The following JCAD variants were observed in gnomAD, a reference collection of about 807,000 sequenced individuals.
JCAD encodes the protein junctional cadherin 5-associated protein.
JCAD carries 40 observed loss-of-function variants against 98.0 expected under a neutral mutation model. The ratio of observed to expected loss-of-function variants is 0.41; its 90% confidence interval spans 0.32 to 0.53. The LOEUF is 0.53. JCAD is among the 20% of genes least tolerant of loss of function. The pLI, the probability that JCAD is intolerant of heterozygous loss-of-function variation, is 0.31. For synonymous variants in JCAD, 691 were observed against 682.3 expected, an observed-to-expected ratio of 1.01 and a Z score of -0.20; for missense variants, 1,705 against 1,738.1, an observed-to-expected ratio of 0.98 and a Z score of 0.34.
intron 1 of JCAD, among the ~76,000 whole-genome samples, chr10:30,075,687 C>T (rs1193097532): frequency 2.0e-5 from 3 of 152,194 alleles, no homozygotes; most frequent in Non-Finnish European, 4.4e-5. Flanking sequence ...AGACGCCAAC[C>T]TGTCAGAATC....
upstream of JCAD, among the ~76,000 whole-genome samples, chr10:30,060,324 G>A (rs896554848): frequency 2.0e-5 from 3 of 152,226 alleles, no homozygotes; most frequent in African/African-American, 7.2e-5. Flanking sequence ...CAGGGCAGGG[G>A]TAGGAGGAGA....
At chr10:30,105,220 A>G (rs1838552145) in intron 1 of JCAD, among the ~76,000 whole-genome samples, 1 of 152,232 alleles carries the variant, frequency 6.6e-6, no homozygotes, top group African/African-American at 2.4e-5. Context: ...ATTTTTCAAC[A>G]TCCCTATAAT....
At chr10:30,020,952 C>T (rs937040837) in intron 3 of JCAD, among the ~76,000 whole-genome samples, 2 of 152,212 alleles carry the variant, frequency 1.3e-5, no homozygotes, top group Non-Finnish European at 2.9e-5. Flanking sequence ...ACAGGCCATG[C>T]CATGTCTGTC....
At chr10:30,100,980 A>C (rs1289609621) in intron 1 of JCAD, among the ~76,000 whole-genome samples, 2 of 152,258 alleles carry the variant, frequency 1.3e-5, no homozygotes, top group Admixed American at 1.3e-4. Flanking sequence ...ATTGGTTGAA[A>C]GAGTTATTAT....
intron 3 of JCAD, among the ~76,000 whole-genome samples, chr10:30,019,315 C>T (rs1836606971): frequency 6.7e-6 from 1 of 148,746 alleles, no homozygotes; most frequent in Non-Finnish European, 1.5e-5. Flanking sequence ...CGAGATGGCG[C>T]CATTGCACTC....
At chr10:30,021,516 G>C (rs1836659603) in intron 3 of JCAD, among the ~76,000 whole-genome samples, 1 of 152,076 alleles carries the variant, frequency 6.6e-6, no homozygotes, top group Admixed American at 6.5e-5. Flanking sequence ...TGTTCTAGTA[G>C]CTATGTTGAA....
intron 2 of JCAD, among the ~76,000 whole-genome samples, chr10:30,043,754 G>T (rs564165043): frequency 1.3e-4 from 20 of 152,322 alleles, no homozygotes; most frequent in Admixed American, 2.6e-4. Flanking sequence ...CTCACCTGGG[G>T]AGAGCTCAGC....
Position 30,047,669 on chromosome 10 carries a change from C to A in JCAD, c.144G>T (p.Glu48Asp). 6.2e-7 allele frequency: 1 copy of A among 1,614,242 alleles called. No individual in the cohort carries two copies. The highest frequency in any genetic ancestry group is 8.5e-7 in the Non-Finnish European group (1 of 1,180,054). ...RAGQGLQNGH[E>D]DGPAALAHRK... is the part of the protein sequence containing the mutation. ...GATGTGCGAGGGCCGCAGGGCCATC[C>A]TCATGCCCGTTCTGCAGGCCCTGGC... Residue 48 changes from glutamate (E) to aspartate (D), a missense_variant, in exon 2 of 4, where the codon GAG becomes GAT. Coordinates refer to ENST00000375377, the MANE Select transcript of JCAD (RefSeq NM_020848.4).
rs11268260 is a variant in JCAD, at chr10:30,092,098, T to TTAAATATATATATATATATA, written n.129-22278_129-22277insTATATATATATATATATTTA. Among the ~76,000 whole-genome samples, 172 of 44,508 alleles carry TTAAATATATATATATATATA rather than the reference T, an allele frequency of 3.9e-3. 7 individuals carry two copies. The highest frequency in any genetic ancestry group is 9.2e-3 in the East Asian group (12 of 1,300). The allele number at this position is 44,508 out of a possible 152,430, so 29.2% of individuals were successfully genotyped here. A position where few individuals can be genotyped will look rare whatever the true frequency, so the allele number is the denominator to read the frequency against. On this transcript the variant is annotated intron_variant and non_coding_transcript_variant, in intron 1 of 2. Coordinates refer to the JCAD transcript ENST00000465712. Reference sequence around the variant, plus strand: ...ATATATATATATATATAAAGTTACTTTATATATATATATATATATATATAT... The same window carrying TTAAATATATATATATATATA: ...ATATATATATATATATAAAGTTACTTTAAATATATATATATATATATATATATATATATATATATATATAT...
chr10:30,021,966 C>G (rs1270602245), intron 3 of JCAD, among the ~76,000 whole-genome samples: 1 of 152,172 alleles, frequency 6.6e-6, no homozygotes, highest in Non-Finnish European at 1.5e-5. Flanking sequence ...TCATTTTGGG[C>G]CTCACACAGA....
intron 1 of JCAD, among the ~76,000 whole-genome samples, chr10:30,049,308 C>T (rs558112857): frequency 6.6e-6 from 1 of 152,324 alleles, no homozygotes; most frequent in East Asian, 1.9e-4. Context: ...AGAGCCGCTG[C>T]AGCCATGGCG....
chr10:30,029,976 TC>T, intron 2 of JCAD, 110 bp from the exon 3 acceptor site: 1 of 1,240,060 alleles, frequency 8.1e-7, no homozygotes, highest in Non-Finnish European at 1.1e-6. Context: ...AAAACTTGGT[TC>T]CCAGCCACAG....
intron 1 of JCAD, among the ~76,000 whole-genome samples, chr10:30,048,252 A>G (rs906077505): frequency 3.9e-5 from 6 of 152,216 alleles, no homozygotes; most frequent in African/African-American, 1.4e-4. Context: ...CAGACCTGGG[A>G]GCTGCAATGA....
At chr10:30,039,155 T>C (rs1837187265) in intron 2 of JCAD, among the ~76,000 whole-genome samples, 1 of 152,210 alleles carries the variant, frequency 6.6e-6, no homozygotes, top group Admixed American at 6.5e-5. Context: ...GAGGGCCAGA[T>C]GCTGACGCCC....
At position 30,015,190 on chromosome 10, in the gene JCAD, C is replaced by T. The variant is rs1836508984; in HGVS notation, c.*2693G>A. On this transcript the variant is annotated 3_prime_UTR_variant, in exon 4 of 4. Transcript: ENST00000375377. The stretch of plus-strand genomic sequence containing the variant: ...TTTTTAGCCCAAATGGTCAAAATTA[C>T]AACTTTTAATTTTATGAGCTCCAAA... 6.6e-6 allele frequency: 1 copy of T among 152,166 alleles called. No individual in the cohort carries two copies. Among genetic ancestry groups the T allele is most frequent in the South Asian group, 2.1e-4 (1 of 4,832 alleles). 9.4% of individuals were successfully genotyped at this position (152,166 alleles called of 1,614,324 possible).
intron 3 of JCAD, among the ~76,000 whole-genome samples, chr10:30,019,610 G>A (rs1279345597): frequency 6.6e-6 from 1 of 151,940 alleles, no homozygotes; most frequent in African/African-American, 2.4e-5. Flanking sequence ...GTTGCCAGGG[G>A]CTGGGGTGAA....
At chr10:30,038,215 T>G (rs959287395) in intron 2 of JCAD, among the ~76,000 whole-genome samples, 1 of 152,146 alleles carries the variant, frequency 6.6e-6, no homozygotes, top group African/African-American at 2.4e-5. Flanking sequence ...GTTGCTTCCT[T>G]TTCATAAATT....
intron 2 of JCAD, among the ~76,000 whole-genome samples, chr10:30,066,322 G>A (rs1373505080): frequency 1.3e-5 from 2 of 152,120 alleles, no homozygotes; most frequent in Admixed American, 6.5e-5. Flanking sequence ...TACTGCATGA[G>A]AAAAATCATT....
intron 1 of JCAD, among the ~76,000 whole-genome samples, chr10:30,050,191 A>G (rs2505086): frequency 0.87 from 131,799 of 151,554 alleles, 57,812 homozygotes; most frequent in African/African-American, 0.96. Context: ...GGCAAACACC[A>G]GTAATCCCAG....
Sources: gnomAD v4.1 joint callset for allele counts (sites outside exome capture counted in the v4.1 genomes callset) on GRCh38, gnomAD v4.1.1 for gene constraint, MANE v1.5 for transcripts, NCBI Gene and HGNC (gene_info 2026-07-23, HGNC 2026-07-21) for gene names.